CSMD1: variants seen among roughly 807,000 people sequenced by gnomAD.
The protein encoded by CSMD1 is CUB and Sushi multiple domains 1.
A neutral mutation model predicts 417.5 loss-of-function variants in CSMD1; 213 were observed. The ratio of observed to expected loss-of-function variants is 0.51; its 90% CI spans 0.46 to 0.57. The LOEUF (loss-of-function observed/expected upper bound fraction) is 0.57. Among genes scored for constraint, CSMD1 ranks in the 20% least tolerant of loss-of-function variants. The pLI is 0.00. For missense variants in CSMD1, 6,923 were observed against 4,529.7 expected (o/e 1.53, Z -15.17); for synonymous variants, 2,862 against 1,736.8 (o/e 1.65, Z -16.11).
rs533099534 is a variant in CSMD1 at position 3,433,677 on chromosome 8, T to C, written c.1562-24072A>G. On this transcript the variant is annotated intron_variant, in intron 12 of 69. Transcript: ENST00000635120. ...CCAACATTGGTGAGATGCTTCTCTC[T>C]TAGTGGAAAGTGACAGAATGCCTGC... Among the ~76,000 whole-genome samples, 10 of 152,322 alleles carry C rather than the reference T, an allele frequency of 6.6e-5. No homozygotes were observed. The South Asian group carries it at 1.9e-3, about 28-fold the overall frequency.
chr8:3,435,190 C>T (rs1449234220), intron 12 of CSMD1, among the ~76,000 whole-genome samples: 2 of 152,176 alleles, frequency 1.3e-5, no homozygotes, highest in Non-Finnish European at 2.9e-5. Context: ...GCAAAAAAGC[C>T]CCTTGATATG....
chr8:3,882,477 A>G (rs1806271735), intron 5 of CSMD1, among the ~76,000 whole-genome samples: 1 of 152,204 alleles, frequency 6.6e-6, no homozygotes, highest in Admixed American at 6.5e-5. Context: ...CAGTAGAATT[A>G]TTTTGCAAAA....
At chr8:4,959,712 C>T (rs995729579) in intron 1 of CSMD1, among the ~76,000 whole-genome samples, 3 of 152,200 alleles carry the variant, frequency 2.0e-5, no homozygotes, top group East Asian at 1.9e-4. Flanking sequence ...TCTCAGTTCA[C>T]GGAATGTCAA....
intron 2 of CSMD1, among the ~76,000 whole-genome samples, chr8:4,486,257 A>G (rs1484095782): frequency 4.8e-5 from 2 of 41,344 alleles, no homozygotes; most frequent in African/African-American, 8.3e-5. Flanking sequence ...ATACATATAT[A>G]TATATATATA....
chr8:3,185,324 G>T (rs754193892), intron 36 of CSMD1, among the ~76,000 whole-genome samples: 2 of 152,150 alleles, frequency 1.3e-5, no homozygotes, highest in Non-Finnish European at 2.9e-5. Context: ...GGAGATTGTT[G>T]TTATTTTTCA....
intron 1 of CSMD1, among the ~76,000 whole-genome samples, chr8:4,661,411 C>T (rs1461739312): frequency 6.6e-6 from 1 of 151,992 alleles, no homozygotes; most frequent in East Asian, 1.9e-4. Context: ...CTATAGGATT[C>T]GATTTTTATA....
chr8:3,902,147 C>T (rs1359225160), intron 5 of CSMD1, among the ~76,000 whole-genome samples: 1 of 152,140 alleles, frequency 6.6e-6, no homozygotes, highest in East Asian at 1.9e-4. Context: ...CAACAATCTT[C>T]AAGCACTGTA....
chr8:4,284,431 G>A (rs971773655), intron 3 of CSMD1, among the ~76,000 whole-genome samples: 1 of 145,934 alleles, frequency 6.9e-6, no homozygotes, highest in Non-Finnish European at 1.5e-5. Flanking sequence ...CACTGCGGGA[G>A]GGTACCTCCA....
At chr8:3,964,631 A>G (rs1019902590) in intron 5 of CSMD1, among the ~76,000 whole-genome samples, 1 of 152,182 alleles carries the variant, frequency 6.6e-6, no homozygotes. Context: ...TTGCAAAGAA[A>G]TATTTAAATT....
chr8:3,905,485 C>A (rs576110421), intron 5 of CSMD1, among the ~76,000 whole-genome samples: 1 of 152,204 alleles, frequency 6.6e-6, no homozygotes, highest in Non-Finnish European at 1.5e-5. Context: ...GACTTTCCTA[C>A]GTGTGAAAGA....
At chr8:4,039,204 G>C (rs140949669) in intron 3 of CSMD1, among the ~76,000 whole-genome samples, 1 of 152,108 alleles carries the variant, frequency 6.6e-6, no homozygotes, top group African/African-American at 2.4e-5. Context: ...AGGTCCCTTA[G>C]GGTTTCTCTC....
intron 65 of CSMD1, 30 bp from the exon 66 acceptor site, chr8:2,951,305 C>A (rs200112287): frequency 6.3e-7 from 1 of 1,575,912 alleles, no homozygotes; most frequent in South Asian, 1.2e-5. Context: ...AGACCAATGT[C>A]AGCACACACA....
At chr8:3,770,041 G>T (rs192073174) in intron 5 of CSMD1, among the ~76,000 whole-genome samples, 14 of 152,240 alleles carry the variant, frequency 9.2e-5, no homozygotes, top group Admixed American at 9.2e-4. Context: ...TACCTTTGCT[G>T]TGATTCCTGA....
chr8:4,099,158 T>G (rs1801173757), intron 3 of CSMD1, among the ~76,000 whole-genome samples: 1 of 151,500 alleles, frequency 6.6e-6, no homozygotes. Context: ...CAACCATGCA[T>G]ATGTCTTATT....
At chr8:3,869,195 A>C (rs529928968) in intron 5 of CSMD1, among the ~76,000 whole-genome samples, 52 of 152,162 alleles carry the variant, frequency 3.4e-4, no homozygotes, top group Non-Finnish European at 6.8e-4. Context: ...AGGCTTCTGC[A>C]CTAGGCCCTC....
chr8:3,170,757 T>C (rs1643873330), intron 37 of CSMD1, among the ~76,000 whole-genome samples: 1 of 152,222 alleles, frequency 6.6e-6, no homozygotes, highest in Non-Finnish European at 1.5e-5. Context: ...TAGTGAACTG[T>C]GTAAGTTTGT....
At chr8:4,005,105 G>C (rs375775428) in intron 4 of CSMD1, among the ~76,000 whole-genome samples, 3 of 152,110 alleles carry the variant, frequency 2.0e-5, no homozygotes, top group African/African-American at 4.8e-5. Flanking sequence ...CAAAGGAATA[G>C]GAATGATATA....
chr8:4,367,161 G>T (rs546564265), intron 3 of CSMD1, among the ~76,000 whole-genome samples: 1 of 152,114 alleles, frequency 6.6e-6, no homozygotes, highest in African/African-American at 2.4e-5. Flanking sequence ...TGTTTTCTAT[G>T]ATTTTAATTG....
chr8:4,494,546 G>C (rs140512941), intron 2 of CSMD1, among the ~76,000 whole-genome samples: 1 of 152,082 alleles, frequency 6.6e-6, no homozygotes, highest in Non-Finnish European at 1.5e-5. Flanking sequence ...CATTATTGGA[G>C]ATTTATCTGG....
Sources: gnomAD v4.1 joint callset for allele counts (sites outside exome capture counted in the v4.1 genomes callset) on GRCh38, gnomAD v4.1.1 for gene constraint, MANE v1.5 for transcripts, NCBI Gene and HGNC (gene_info 2026-07-23, HGNC 2026-07-21) for gene names.